Variants in SEPTIN9 observed in about 807,000 individuals in gnomAD.
SEPTIN9 encodes the protein septin 9.
In SEPTIN9, 13 loss-of-function variants were observed where a neutral mutation model predicts 56.6. That is an observed-to-expected ratio of 0.23 (90% CI 0.15 to 0.37). The LOEUF (loss-of-function observed/expected upper bound fraction) is 0.37, where lower values mean the gene tolerates loss of function less well. SEPTIN9 is among the 10% of genes least tolerant of loss of function. The pLI is 1.00. For synonymous variants in SEPTIN9, 332 were observed against 334.1 expected (o/e 0.99, Z 0.07); for missense variants, 650 against 823.1 (o/e 0.79, Z 2.57).
At chr17:77,373,628 G>T in intron 2 of SEPTIN9, 1 of 1,518,846 alleles carries the variant, frequency 6.6e-7, no homozygotes, top group Non-Finnish European at 8.8e-7. Flanking sequence ...GCGGGACGGG[G>T]GTGCGCTGAG....
Position 77,402,655 on chromosome 17 carries a change from C to T in SEPTIN9, c.673C>T (p.Pro225Ser), listed in dbSNP as rs2035941603. Residue 225 changes from proline (P) to serine (S), a missense_variant, in exon 3 of 12, where the codon CCC (proline) becomes TCC (serine). Pro to Ser is a moderately conservative substitution (Grantham distance 74). Transcript: ENST00000427177. The surrounding 1 kb of genome is among the most constrained non-coding windows in gnomAD (Gnocchi z 6.6). ...GTCTCAGCTGCAGAGCAGGCTGGAG[C>T]CCAAGCCCCAGCCCCCTGTGGCTGA... ...PVSQLQSRLE[P>S]KPQPPVAEAT... is the part of the protein sequence containing the mutation. 6.2e-7 allele frequency: 1 copy of T among 1,611,500 alleles called. No individual in the cohort carries two copies. The highest frequency in any genetic ancestry group is 2.2e-5 in the East Asian group (1 of 44,838).
chr17:77,401,768 C>G (rs568527974), intron 2 of SEPTIN9, among the ~76,000 whole-genome samples: 107 of 152,190 alleles, frequency 7.0e-4, no homozygotes, highest in African/African-American at 2.5e-3. Context: ...CTAGAACGTT[C>G]CTATGTAGAC....
chr17:77,480,569 G>A (rs1293275330), intron 3 of SEPTIN9, among the ~76,000 whole-genome samples: 2 of 152,224 alleles, frequency 1.3e-5, no homozygotes, highest in Admixed American at 1.3e-4. Flanking sequence ...GGCGTGGGCC[G>A]GGAGGGCTGC....
chr17:77,289,201 A>G (rs1187295998), intron 1 of SEPTIN9, among the ~76,000 whole-genome samples: 1 of 151,944 alleles, frequency 6.6e-6, no homozygotes, highest in Non-Finnish European at 1.5e-5. Flanking sequence ...GGTTCAAGCA[A>G]TTCTCCTGCC....
At chr17:77,372,215 G>C (rs762883975) in intron 2 of SEPTIN9, among the ~76,000 whole-genome samples, 1 of 152,244 alleles carries the variant, frequency 6.6e-6, no homozygotes, top group Non-Finnish European at 1.5e-5. Flanking sequence ...CGGGGTGACA[G>C]GGAGAGCATG....
intron 3 of SEPTIN9, among the ~76,000 whole-genome samples, chr17:77,452,923 C>T (rs1036544355): frequency 6.6e-6 from 1 of 150,666 alleles, no homozygotes; most frequent in Non-Finnish European, 1.5e-5. Flanking sequence ...CCTTGGGTCT[C>T]TTTTAGGCTG....
In SEPTIN9 at chr17:77,360,595, C is replaced by T. The variant is rs529816013; in HGVS notation, c.77-41464C>T. Among the ~76,000 whole-genome samples the T allele has an allele frequency of 1.1e-4, 16 of 150,712 alleles. No homozygotes were observed. The East Asian group carries it at 2.9e-3, about 28-fold the overall frequency. On this transcript the variant is annotated intron_variant, in intron 2 of 11. Transcript: ENST00000427177. ...TCTTTTTTTTTTTGAGACGGAGTCT[C>T]GCTCTGTCGCCCAGGCTGGCGTGGA...
Position 77,449,431 on chromosome 17 carries a change from G to A in SEPTIN9, c.722-32713G>A, listed in dbSNP as rs2037882338. Among the ~76,000 whole-genome samples, 1 of 152,190 alleles carries A rather than the reference G, an allele frequency of 6.6e-6. No homozygotes were observed. The highest frequency in any genetic ancestry group is 1.5e-5 in the Non-Finnish European group (1 of 68,050). On this transcript the variant is annotated intron_variant, in intron 3 of 11. Coordinates refer to ENST00000427177, the MANE Select transcript of SEPTIN9 (RefSeq NM_001113491.2). This position sits in a 1 kb window ranked among gnomAD's most constrained non-coding sequence, Gnocchi z 4.6. ...ATCCAGAGGCAGAGGAGGGGAGGAGGCTGGGCTTGGAGGAGAGCAGGGTCT... is the reference window on the plus strand; with the variant it reads ...ATCCAGAGGCAGAGGAGGGGAGGAGACTGGGCTTGGAGGAGAGCAGGGTCT...
rs529884136 is a variant in SEPTIN9, at chr17:77,284,042, T to A, written c.19+2488T>A. Among the ~76,000 whole-genome samples the A allele has an allele frequency of 5.9e-5, 9 of 152,156 alleles. No homozygotes were observed. In the East Asian group the frequency reaches 1.5e-3, roughly 26 times the overall value. On this transcript the variant is annotated intron_variant, in intron 1 of 11. Transcript: ENST00000427177. ...CTGGGCCTTGAGGAAGGAGAAGTCT[T>A]GAGTAGTGGAGAATAAAAAGGGACT...
chr17:77,431,237 G>C (rs1468167798), intron 3 of SEPTIN9, among the ~76,000 whole-genome samples: 1 of 151,976 alleles, frequency 6.6e-6, no homozygotes, highest in Admixed American at 6.5e-5. Flanking sequence ...TGAGTTAGGA[G>C]TTTGAGGCTG....
At chr17:77,390,437 A>C (rs1043564445) in intron 2 of SEPTIN9, among the ~76,000 whole-genome samples, 72 of 148,122 alleles carry the variant, frequency 4.9e-4, no homozygotes, top group African/African-American at 1.6e-3. Flanking sequence ...AAAAAAAAAA[A>C]AACTGCACAT....
chr17:77,286,814 T>A (rs1305690754), intron 1 of SEPTIN9, among the ~76,000 whole-genome samples: 1 of 152,168 alleles, frequency 6.6e-6, no homozygotes, highest in African/African-American at 2.4e-5. Flanking sequence ...TGATGGCAGT[T>A]CCTGGGCAGA....
intron 2 of SEPTIN9, among the ~76,000 whole-genome samples, chr17:77,384,842 A>AACACAC (rs146495461): frequency 0.012 from 1,733 of 142,230 alleles, 16 homozygotes; most frequent in South Asian, 0.022. Flanking sequence ...AACCTGTTTA[A>AACACAC]ACACACACAC....
intron 2 of SEPTIN9, among the ~76,000 whole-genome samples, chr17:77,353,763 C>T (rs1488682446): frequency 6.6e-6 from 1 of 152,162 alleles, no homozygotes; most frequent in Non-Finnish European, 1.5e-5. Flanking sequence ...CCTGTGGAAA[C>T]AGTGTCTCAG....
At chr17:77,430,144 C>T (rs2037071299) in intron 3 of SEPTIN9, among the ~76,000 whole-genome samples, 1 of 152,044 alleles carries the variant, frequency 6.6e-6, no homozygotes, top group African/African-American at 2.4e-5. Flanking sequence ...GGGCTGCCCT[C>T]CCAGCCCCTG....
Position 77,482,287 on chromosome 17 carries a change from C to T in SEPTIN9, c.865C>T (p.Arg289Cys), listed in dbSNP as rs1385127507. The T allele has an allele frequency of 1.2e-6, 2 of 1,613,072 alleles. No individual in the cohort carries two copies. Among genetic ancestry groups the T allele is most frequent in the Admixed American group, 1.7e-5 (1 of 60,000 alleles). Residue 289 changes from arginine (R) to cysteine (C), a missense_variant, in exon 4 of 12, where the codon CGC becomes TGC. By Grantham distance (180) the Arg-to-Cys change is radical (BLOSUM62 -3). Coordinates refer to ENST00000427177, the MANE Select transcript of SEPTIN9 (RefSeq NM_001113491.2). ...GATTGACTCCATCCTGGAGCAGATG[C>T]GCCGGAAGGCCATGAAGCAGGGCTT... is the stretch of plus-strand genomic sequence containing the variant. ...VGIDSILEQM[R>C]RKAMKQGFEF...
At chr17:77,320,304 C>A (rs758050715) in intron 2 of SEPTIN9, 1 of 1,612,644 alleles carries the variant, frequency 6.2e-7, no homozygotes, top group Admixed American at 1.7e-5. Context: ...GGACTCCCGC[C>A]GCTGCTAAAT....
At chr17:77,392,616 C>T (rs1004637204) in intron 2 of SEPTIN9, among the ~76,000 whole-genome samples, 10 of 151,998 alleles carry the variant, frequency 6.6e-5, no homozygotes, top group African/African-American at 2.2e-4. Context: ...GTGGCCCAGC[C>T]AGGCCTGGCC....
rs1298812106 is a variant in SEPTIN9 at position 77,358,501 on chromosome 17, GT to G, written c.77-43557del. Among the ~76,000 whole-genome samples, 6 of 152,138 alleles carry G rather than the reference GT, an allele frequency of 3.9e-5. No homozygotes were observed. In the East Asian group the frequency reaches 1.2e-3, roughly 29 times the overall value. On this transcript the variant is annotated intron_variant, in intron 2 of 11. Transcript: ENST00000427177. ...CCAGACATGGTGGCGTGCACCTGTA[GT>G]CCCAGCTACTCAAGGAGAACCCAGC...
Sources: allele counts gnomAD v4.1 joint callset (sites outside exome capture counted in the v4.1 genomes callset), GRCh38; gene constraint gnomAD v4.1.1; non-coding constraint Gnocchi (gnomAD v3.1); transcripts MANE v1.5; gene names NCBI Gene and HGNC (gene_info 2026-07-23, HGNC 2026-07-21).